HMGA2: variants seen among roughly 807,000 people sequenced by gnomAD.
The protein encoded by HMGA2 is high mobility group protein HMGI-C.
HMGA2 carries 8 observed loss-of-function variants against 19.1 expected under a neutral mutation model. The ratio of observed to expected loss-of-function variants is 0.42; its 90% confidence interval spans 0.25 to 0.76. The LOEUF (loss-of-function observed/expected upper bound fraction) is 0.76, where lower values mean the gene tolerates loss of function less well. Among genes scored for constraint, HMGA2 ranks in the 30% least tolerant of loss-of-function variants. The probability of loss-of-function intolerance (pLI) is 0.28; values close to 1 mark genes in which losing one functional copy is unlikely to be tolerated. For missense variants in HMGA2, 109 were observed against 136.3 expected (o/e 0.80, Z 1.00); for synonymous variants, 60 against 48.8 (o/e 1.23, Z -0.96).
At chr12:65,947,323 C>T (rs1876303681) in intron 3 of HMGA2, among the ~76,000 whole-genome samples, 1 of 152,124 alleles carries the variant, frequency 6.6e-6, no homozygotes, top group African/African-American at 2.4e-5. Flanking sequence ...CTAGGTTGCC[C>T]AAGCTGGTCT....
intron 3 of HMGA2, chr12:65,881,842 G>A: frequency 1.4e-6 from 1 of 703,008 alleles, no homozygotes; most frequent in Non-Finnish European, 2.6e-6. Flanking sequence ...TCCCTTCCTT[G>A]AACTGCACTC....
chr12:65,950,561 G>T (rs917437569), intron 3 of HMGA2, among the ~76,000 whole-genome samples: 1 of 152,206 alleles, frequency 6.6e-6, no homozygotes, highest in Non-Finnish European at 1.5e-5. Flanking sequence ...GGCTAGGGAC[G>T]TGGAGGGTAG....
At chr12:65,932,875 T>C (rs1347675666) in intron 3 of HMGA2, among the ~76,000 whole-genome samples, 3 of 152,194 alleles carry the variant, frequency 2.0e-5, no homozygotes, top group Non-Finnish European at 4.4e-5. Flanking sequence ...CAAAAGGATG[T>C]CCTCACTTTA....
intron 4 of HMGA2, chr12:65,954,470 A>C (rs1202182148): frequency 6.6e-6 from 1 of 152,214 alleles, no homozygotes; most frequent in Non-Finnish European, 1.5e-5. Flanking sequence ...CTCTGTGGTG[A>C]AGTATCCTCA....
chr12:65,880,859 A>G (rs1873337885), intron 3 of HMGA2, among the ~76,000 whole-genome samples: 2 of 152,248 alleles, frequency 1.3e-5, no homozygotes, highest in Non-Finnish European at 2.9e-5. Flanking sequence ...AAGAAATGAG[A>G]ATAATCATAA....
At chr12:65,827,540 T>TAC (rs72229764) in intron 1 of HMGA2, among the ~76,000 whole-genome samples, 20,457 of 152,180 alleles carry the variant, frequency 0.13, 2,612 homozygotes, top group African/African-American at 0.32. Flanking sequence ...CAAAGATGAT[T>TAC]AAAGGCCACC....
chr12:65,839,318 TC>T (rs1341654618), intron 3 of HMGA2, among the ~76,000 whole-genome samples: 3 of 152,108 alleles, frequency 2.0e-5, no homozygotes, highest in Non-Finnish European at 4.4e-5. Flanking sequence ...GGTCTGTCTT[TC>T]CCACTGACGG....
chr12:65,962,521 T>C (rs933439651), intron 4 of HMGA2, among the ~76,000 whole-genome samples: 6 of 152,186 alleles, frequency 3.9e-5, no homozygotes, highest in Admixed American at 3.9e-4. Context: ...CTTGGGTCAC[T>C]GTCTCAAAAT....
chr12:65,921,889 C>T (rs1027198122), intron 3 of HMGA2, among the ~76,000 whole-genome samples: 5 of 152,322 alleles, frequency 3.3e-5, no homozygotes, highest in East Asian at 3.9e-4. Context: ...AAGGAACCAA[C>T]GTACAGCTTG....
chr12:65,932,879 C>T (rs915053343), intron 3 of HMGA2, among the ~76,000 whole-genome samples: 8 of 152,160 alleles, frequency 5.3e-5, no homozygotes, highest in African/African-American at 1.9e-4. Flanking sequence ...AGGATGTCCT[C>T]ACTTTATAAA....
intron 3 of HMGA2, chr12:65,857,835 T>C (rs1249289390): frequency 1.3e-5 from 2 of 152,400 alleles, no homozygotes; most frequent in Admixed American, 1.3e-4. Flanking sequence ...TAGTCCCCAT[T>C]TCCTATAATC....
chr12:65,869,403 C>A (rs1410526646), intron 3 of HMGA2, among the ~76,000 whole-genome samples: 3 of 152,118 alleles, frequency 2.0e-5, no homozygotes, highest in Non-Finnish European at 4.4e-5. Flanking sequence ...GTTGATGGAG[C>A]CTCAATTAAT....
intron 3 of HMGA2, among the ~76,000 whole-genome samples, chr12:65,916,476 C>T (rs145851426): frequency 6.6e-6 from 1 of 152,160 alleles, no homozygotes; most frequent in African/African-American, 2.4e-5. Context: ...AGGCCAGTAC[C>T]TCTCTGGGAA....
chr12:65,897,121 C>T (rs1874161791), intron 3 of HMGA2, among the ~76,000 whole-genome samples: 1 of 152,020 alleles, frequency 6.6e-6, no homozygotes, highest in Non-Finnish European at 1.5e-5. Context: ...TGTAGGTGTG[C>T]ATATTTGTGG....
chr12:65,874,477 A>C (rs1872873077), intron 3 of HMGA2, among the ~76,000 whole-genome samples: 1 of 152,192 alleles, frequency 6.6e-6, no homozygotes, highest in Non-Finnish European at 1.5e-5. Flanking sequence ...CTAGGTTTCC[A>C]GCAGGAGGGA....
At chr12:65,914,654 T>A (rs1013736491) in intron 3 of HMGA2, 4 of 278,918 alleles carry the variant, frequency 1.4e-5, no homozygotes, top group Non-Finnish European at 2.8e-5. Flanking sequence ...TAAAAAAAAA[T>A]GTTTTGGTTG....
chr12:65,923,214 T>TA lies in HMGA2; in HGVS notation c.250-28161dup, dbSNP rs1219843402. ...GTTGGTAAACTTGGGCCCAATCAAG[T>TA]AAAAAAAAGAAGAAAAAAAAATCCC... On this transcript the variant is annotated intron_variant, in intron 3 of 4. Coordinates refer to ENST00000403681, the MANE Select transcript of HMGA2 (RefSeq NM_003483.6). Among the ~76,000 whole-genome samples, 11 of 150,502 alleles carry TA rather than the reference T, an allele frequency of 7.3e-5. No individual in the cohort carries two copies. In the East Asian group the frequency reaches 9.7e-4, roughly 13 times the overall value.
chr12:65,864,677 A>T (rs560970763), intron 3 of HMGA2, among the ~76,000 whole-genome samples: 3 of 152,344 alleles, frequency 2.0e-5, no homozygotes, highest in East Asian at 3.9e-4. Context: ...AGGACACACT[A>T]CAAATGATTT....
chr12:65,927,291 TGTGAGC>T (rs1875541269), intron 3 of HMGA2, among the ~76,000 whole-genome samples: 1 of 152,210 alleles, frequency 6.6e-6, no homozygotes, highest in Non-Finnish European at 1.5e-5. Context: ...AACTTAATCC[TGTGAGC>T]TACCATCCAC....
Sources: allele counts gnomAD v4.1 joint callset (sites outside exome capture counted in the v4.1 genomes callset), GRCh38; gene constraint gnomAD v4.1.1; transcripts MANE v1.5; gene names NCBI Gene and HGNC (gene_info 2026-07-23, HGNC 2026-07-21).